The following HIVEP3 variants were observed in gnomAD, a reference collection of about 807,000 sequenced individuals.
HIVEP3 encodes the protein transcription factor HIVEP3.
In HIVEP3, 49 loss-of-function variants were observed where a neutral mutation model predicts 152.8. The observed-to-expected ratio is 0.32, with a 90% CI of 0.26 to 0.41. HIVEP3 has a LOEUF of 0.41. HIVEP3 is among the 10% of genes least tolerant of loss of function. The pLI, the probability that HIVEP3 is intolerant of heterozygous loss-of-function variation, is 1.00. For synonymous variants in HIVEP3, 1,269 were observed against 1,289.0 expected (o/e 0.98, Z 0.33); for missense variants, 2,790 against 3,103.3 (o/e 0.90, Z 2.40).
intron 2 of HIVEP3, among the ~76,000 whole-genome samples, chr1:41,630,923 C>T (rs1284496201): frequency 1.3e-5 from 2 of 152,196 alleles, no homozygotes; most frequent in East Asian, 3.8e-4. Context: ...GACATAAAAG[C>T]ATATTGTATT....
intron 3 of HIVEP3, among the ~76,000 whole-genome samples, chr1:41,610,644 A>G (rs1272941508): frequency 6.6e-6 from 1 of 152,200 alleles, no homozygotes; most frequent in African/African-American, 2.4e-5. Context: ...TCTGGTGAGG[A>G]GAGGACCCCA....
intron 2 of HIVEP3, among the ~76,000 whole-genome samples, chr1:41,639,487 T>C (rs1195572267): frequency 1.3e-5 from 2 of 152,178 alleles, no homozygotes; most frequent in Non-Finnish European, 2.9e-5. Flanking sequence ...TGCGACAAAG[T>C]GTATGTGAAA....
intron 2 of HIVEP3, among the ~76,000 whole-genome samples, chr1:41,646,033 C>T (rs1291714761): frequency 6.6e-6 from 1 of 152,160 alleles, no homozygotes; most frequent in Non-Finnish European, 1.5e-5. Flanking sequence ...CTACATTTTC[C>T]TGGTTTTGTC....
In HIVEP3 at chr1:41,955,582, T is replaced by C. The variant is rs533384400; in HGVS notation, n.120-37058A>G. ...GATGCATCCTGCCATGCAGGGCACA[T>C]CCTGAAAGGGGAGAAGAGGCAACTA... On this transcript the variant is annotated intron_variant and non_coding_transcript_variant, in intron 1 of 3. Transcript: ENST00000489103. Among the ~76,000 whole-genome samples the C allele has an allele frequency of 1.0e-3, 154 of 152,292 alleles. 2 individuals carry two copies. The highest frequency in any genetic ancestry group is 3.9e-4 in the East Asian group (2 of 5,186).
intron 3 of HIVEP3, among the ~76,000 whole-genome samples, chr1:41,595,573 C>T (rs1644653658): frequency 6.6e-6 from 1 of 152,116 alleles, no homozygotes; most frequent in African/African-American, 2.4e-5. Context: ...AAGAAAGAGA[C>T]TCTAGGTGGG....
chr1:41,999,505 T>G (rs779749093), intron 1 of HIVEP3, among the ~76,000 whole-genome samples: 2 of 152,146 alleles, frequency 1.3e-5, no homozygotes, highest in African/African-American at 4.8e-5. Context: ...TTCAAGTCAG[T>G]GCCATTAGAA....
At chr1:41,809,960 T>C (rs946596901) in intron 1 of HIVEP3, among the ~76,000 whole-genome samples, 3 of 152,172 alleles carry the variant, frequency 2.0e-5, no homozygotes, top group African/African-American at 4.8e-5. Flanking sequence ...GACATGTCCA[T>C]CTGATGAAGA....
At chr1:41,855,621 A>G (rs1643744380) in intron 1 of HIVEP3, among the ~76,000 whole-genome samples, 1 of 152,218 alleles carries the variant, frequency 6.6e-6, no homozygotes, top group Non-Finnish European at 1.5e-5. Flanking sequence ...TAACTCTTGA[A>G]GTCAAAAATC....
chr1:41,929,862 C>T (rs377708579), intron 1 of HIVEP3, among the ~76,000 whole-genome samples: 157 of 151,062 alleles, frequency 1.0e-3, no homozygotes, highest in African/African-American at 3.2e-3. Context: ...CAGACACCTG[C>T]GTCTTATTAT....
At chr1:41,560,064 CA>C (rs1558060723) in intron 5 of HIVEP3, among the ~76,000 whole-genome samples, 1 of 152,138 alleles carries the variant, frequency 6.6e-6, no homozygotes, top group African/African-American at 2.4e-5. Flanking sequence ...GTAATGGGGG[CA>C]GGGGGTGGCA....
chr1:41,534,933 C>G (rs936622836), intron 5 of HIVEP3, among the ~76,000 whole-genome samples: 2 of 152,170 alleles, frequency 1.3e-5, no homozygotes, highest in African/African-American at 2.4e-5. Context: ...TTGGAACTCG[C>G]CAGGTGACCT....
rs764053077 is a variant in HIVEP3, at chr1:41,582,289, C to T, written c.2509G>A (p.Gly837Arg). ...GGCTGCAGGGAGTGAGCAGAGCGTC[C>T]GTGTGGGGCAGGTGGGGGTGATGGG... ...QFPSPPPAPH[G>R]RSAHSLQPKL... is the part of the protein sequence containing the mutation. Residue 837 changes from glycine (G) to arginine (R), a missense_variant, in exon 4 of 9, where the codon GGA becomes AGA. Gly to Arg is a moderately radical substitution (Grantham distance 125). Coordinates refer to ENST00000372583, the MANE Select transcript of HIVEP3 (RefSeq NM_024503.5). This position sits in a 1 kb window ranked among gnomAD's most constrained non-coding sequence, Gnocchi z 4.7. 16 of 1,613,898 alleles carry T rather than the reference C, an allele frequency of 9.9e-6. No individual in the cohort carries two copies. In the African/African-American group the frequency reaches 1.1e-4, roughly 11 times the overall value.
intron 3 of HIVEP3, among the ~76,000 whole-genome samples, chr1:41,625,100 T>C (rs1436323371): frequency 7.5e-6 from 1 of 132,674 alleles, no homozygotes; most frequent in Non-Finnish European, 1.5e-5. Flanking sequence ...GAGGCAGAGA[T>C]TGCAGTGAGC....
At chr1:41,874,872 A>C (rs115356445) in intron 1 of HIVEP3, among the ~76,000 whole-genome samples, 1,601 of 152,248 alleles carry the variant, frequency 0.011, 21 homozygotes, top group African/African-American at 0.036. Context: ...TGTCCACCTC[A>C]GGAAAAGGGC....
intron 5 of HIVEP3, among the ~76,000 whole-genome samples, chr1:41,572,482 C>A (rs1644265283): frequency 1.3e-5 from 2 of 152,222 alleles, no homozygotes; most frequent in Non-Finnish European, 2.9e-5. Flanking sequence ...ATTCCATCCC[C>A]CAGGCATCCT....
intron 2 of HIVEP3, among the ~76,000 whole-genome samples, chr1:41,671,599 T>C (rs914831989): frequency 6.6e-6 from 1 of 152,198 alleles, no homozygotes; most frequent in Non-Finnish European, 1.5e-5. Context: ...GGAGTCCCAC[T>C]CTGCCTTCTC....
At chr1:41,988,962 A>G (rs978548600) in intron 1 of HIVEP3, among the ~76,000 whole-genome samples, 1 of 152,228 alleles carries the variant, frequency 6.6e-6, no homozygotes, top group Non-Finnish European at 1.5e-5. Flanking sequence ...TAAATAAGCC[A>G]GGCACAGAAG....
intron 1 of HIVEP3, among the ~76,000 whole-genome samples, chr1:41,780,182 G>T (rs1648958405): frequency 6.6e-6 from 1 of 151,664 alleles, no homozygotes; most frequent in Non-Finnish European, 1.5e-5. Flanking sequence ...CAAAGTGGGG[G>T]CCAAGGTGGG....
Position 41,975,805 on chromosome 1 carries a change from A to G in HIVEP3, n.120-57281T>C, listed in dbSNP as rs545400932. On this transcript the variant is annotated intron_variant and non_coding_transcript_variant, in intron 1 of 3. Coordinates refer to the HIVEP3 transcript ENST00000489103. ...GAATCCTGGTGCTACTTACCTTGCC[A>G]GGGAGCACATAAAGAGAGTCTGTGG... 6.8e-4 allele frequency among the ~76,000 whole-genome samples: 104 copies of G among 152,328 alleles called. 2 individuals carry two copies. Among genetic ancestry groups the G allele is most frequent in the African/African-American group, 2.2e-3 (92 of 41,592 alleles).
Sources: allele counts gnomAD v4.1 joint callset (sites outside exome capture counted in the v4.1 genomes callset), GRCh38; gene constraint gnomAD v4.1.1; non-coding constraint Gnocchi (gnomAD v3.1); transcripts MANE v1.5; gene names NCBI Gene and HGNC (gene_info 2026-07-23, HGNC 2026-07-21).